Variants in STK17B observed in about 807,000 individuals in gnomAD.
STK17B encodes the protein serine/threonine kinase 17b, also known as serine/threonine-protein kinase 17B.
A neutral mutation model predicts 42.0 loss-of-function variants in STK17B; 21 were observed. The observed-to-expected ratio is 0.50, with a 90% CI of 0.35 to 0.72. The LOEUF (loss-of-function observed/expected upper bound fraction) is 0.72. STK17B is among the 30% of genes least tolerant of loss of function. The probability of loss-of-function intolerance (pLI) is 0.00; values close to 1 mark genes in which losing one functional copy is unlikely to be tolerated. For missense variants in STK17B, 349 were observed against 446.0 expected (o/e 0.78, Z 1.96); for synonymous variants, 143 against 148.4 (o/e 0.96, Z 0.26).
chr2:196,149,996 G>GGAAC (rs1390574287), intron 3 of STK17B, among the ~76,000 whole-genome samples: 1 of 151,942 alleles, frequency 6.6e-6, no homozygotes, highest in African/African-American at 2.4e-5. Flanking sequence ...ACACAACAGA[G>GGAAC]GAACATAGGT....
In STK17B at chr2:196,137,535, G is replaced by C; in HGVS notation, c.1031C>G (p.Pro344Arg). Residue 344 changes from proline (P) to arginine (R), a missense_variant, in exon 8 of 8, where the codon CCA (proline) becomes CGA (arginine). Coordinates refer to ENST00000263955, the MANE Select transcript of STK17B (RefSeq NM_004226.4). Reference sequence around the variant, plus strand: ...TTTGGAAACCATGCTGCTATCCTCTGGGATATTCTCTTTGTCTTCTCTATC... The same window carrying C: ...TTTGGAAACCATGCTGCTATCCTCTCGGATATTCTCTTTGTCTTCTCTATC... Reference protein sequence around the residue: ...CGDREDKENIPEDSSMVSKRF... With the variant: ...CGDREDKENIREDSSMVSKRF... 1.2e-6 allele frequency: 2 copies of C among 1,614,050 alleles called. No homozygotes were observed. Among genetic ancestry groups the C allele is most frequent in the Non-Finnish European group, 1.7e-6 (2 of 1,179,974 alleles).
rs1699419135 is a variant in STK17B, at chr2:196,137,244, T to A, written c.*203A>T. On this transcript the variant is annotated 3_prime_UTR_variant, in exon 8 of 8. Transcript: ENST00000263955. ...ACTTTTTGTCATATATTTAAATATT[T>A]TCTTATCTGCAGAGCTATCTCAGGA... The A allele has an allele frequency of 2.0e-6, 1 of 505,242 alleles. No individual in the cohort carries two copies. The highest frequency in any genetic ancestry group is 4.1e-5 in the South Asian group (1 of 24,550). The allele number at this position is 505,242 out of a possible 1,614,324, so 31.3% of individuals were successfully genotyped here.
upstream of STK17B, among the ~76,000 whole-genome samples, chr2:196,171,862 C>T (rs1439404963): frequency 6.6e-6 from 1 of 151,576 alleles, no homozygotes; most frequent in Non-Finnish European, 1.5e-5. Context: ...AGGGGGCGCG[C>T]GGGGCTGGAA....
rs1472886369 is a variant in STK17B, at chr2:196,134,897, T to C, written c.*2550A>G. 6.6e-6 allele frequency: 1 copy of C among 152,236 alleles called. No homozygotes were observed. The highest frequency in any genetic ancestry group is 1.5e-5 in the Non-Finnish European group (1 of 68,044). The allele number at this position is 152,236 out of a possible 1,614,324, so 9.4% of individuals were successfully genotyped here. A position where few individuals can be genotyped will look rare whatever the true frequency, so the allele number is the denominator to read the frequency against. On this transcript the variant is annotated 3_prime_UTR_variant, in exon 8 of 8. Coordinates refer to ENST00000263955, the MANE Select transcript of STK17B (RefSeq NM_004226.4). ...GAGAAAAAGAGTAAGAATTGAATCA[T>C]TTGCTAAAAAGCTCTTAAATGATTG... is the stretch of plus-strand genomic sequence containing the variant.
intron 4 of STK17B, 95 bp downstream of exon 4, chr2:196,145,816 A>G: frequency 7.7e-7 from 1 of 1,294,434 alleles, no homozygotes. Context: ...CCAGGAACCA[A>G]CCATTGTTTC....
chr2:196,145,623 T>C (rs1355751884), intron 4 of STK17B, among the ~76,000 whole-genome samples: 11 of 152,100 alleles, frequency 7.2e-5, no homozygotes, highest in Non-Finnish European at 1.6e-4. Flanking sequence ...CAGGATGTGG[T>C]TGTAAGAGTG....
upstream of STK17B, chr2:196,174,132 C>T (rs1699977542): frequency 1.3e-5 from 2 of 152,186 alleles, no homozygotes; most frequent in Admixed American, 1.3e-4. Flanking sequence ...AAGCTGTCCG[C>T]TCTGTGGTAT....
chr2:196,167,943 G>A (rs1157224423), intron 1 of STK17B, among the ~76,000 whole-genome samples: 1 of 152,130 alleles, frequency 6.6e-6, no homozygotes, highest in Non-Finnish European at 1.5e-5. Context: ...GAGATTTAAC[G>A]TCCATCAAAA....
intron 5 of STK17B, 78 bp downstream of exon 5, chr2:196,143,482 T>C: frequency 1.5e-6 from 2 of 1,323,282 alleles, no homozygotes; most frequent in Non-Finnish European, 2.0e-6. Context: ...AATTACATGC[T>C]CTAAAATATA....
intron 5 of STK17B, among the ~76,000 whole-genome samples, chr2:196,142,211 A>T (rs528217846): frequency 6.6e-6 from 1 of 152,212 alleles, no homozygotes; most frequent in African/African-American, 2.4e-5. Flanking sequence ...GGCATGCACC[A>T]CCACACCTGG....
At chr2:196,139,544 G>T in intron 7 of STK17B, 76 bp downstream of exon 7, 1 of 895,810 alleles carries the variant, frequency 1.1e-6, no homozygotes, top group Non-Finnish European at 1.5e-6. Flanking sequence ...TTTCTTAATA[G>T]GTATATATTA....
At chr2:196,150,922 G>A (rs75580339) in intron 3 of STK17B, among the ~76,000 whole-genome samples, 227 of 152,246 alleles carry the variant, frequency 1.5e-3, no homozygotes, top group African/African-American at 5.2e-3. Context: ...TACAGATAAC[G>A]TGCCTATCAC....
At chr2:196,143,490 A>G in intron 5 of STK17B, 70 bp downstream of exon 5, 3 of 1,363,644 alleles carry the variant, frequency 2.2e-6, no homozygotes, top group East Asian at 2.4e-5. Context: ...GCTCTAAAAT[A>G]TAGTTCTACA....
chr2:196,141,378 G>A, intron 5 of STK17B, 81 bp from the exon 6 acceptor site: 3 of 1,161,886 alleles, frequency 2.6e-6, no homozygotes, highest in Non-Finnish European at 3.7e-6. Flanking sequence ...TTATAACTGG[G>A]ACTGGGCATG....
intron 1 of STK17B, chr2:196,170,808 A>AAC (rs1445781349): frequency 3.9e-5 from 6 of 152,228 alleles, no homozygotes; most frequent in African/African-American, 1.4e-4. Context: ...CAGTAACTGA[A>AAC]AACGTCCCAC....
chr2:196,158,518 G>GCA (rs1048712646), intron 2 of STK17B, among the ~76,000 whole-genome samples: 6 of 151,996 alleles, frequency 3.9e-5, no homozygotes, highest in Non-Finnish European at 7.4e-5. Context: ...GTTTCGATGA[G>GCA]CACACACACA....
chr2:196,137,513 G>C lies in STK17B; in HGVS notation c.1053C>G (p.Ser351=), dbSNP rs141123763. ...ENIPEDSSMV[S]KRFRFDDSLP... ...ATGAGTCATCGAAACGAAATCTTTT[G>C]GAAACCATGCTGCTATCCTCTGGGA... Residue 351 remains serine, a synonymous_variant, in exon 8 of 8, where the codon TCC becomes TCG. Coordinates refer to ENST00000263955, the MANE Select transcript of STK17B (RefSeq NM_004226.4). 2.1e-5 allele frequency: 34 copies of C among 1,614,064 alleles called. No individual in the cohort carries two copies. The East Asian group carries it at 7.4e-4, about 35-fold the overall frequency.
upstream of STK17B, among the ~76,000 whole-genome samples, chr2:196,172,815 AG>A (rs1448792009): frequency 6.6e-6 from 1 of 152,216 alleles, no homozygotes; most frequent in Admixed American, 6.5e-5. Context: ...GCCTAAAGTT[AG>A]GATGAAAATA....
At chr2:196,152,963 A>G (rs1699686841) in intron 3 of STK17B, 1 of 151,946 alleles carries the variant, frequency 6.6e-6, no homozygotes, top group African/African-American at 2.4e-5. Flanking sequence ...TTTTTTTAAT[A>G]TATGGAGATG....
Sources: gnomAD v4.1 joint callset for allele counts (sites outside exome capture counted in the v4.1 genomes callset) on GRCh38, gnomAD v4.1.1 for gene constraint, MANE v1.5 for transcripts, NCBI Gene and HGNC (gene_info 2026-07-23, HGNC 2026-07-21) for gene names.